Variants in DCLK1 observed in about 807,000 individuals in gnomAD.
The protein encoded by DCLK1 is serine/threonine-protein kinase DCLK1.
In DCLK1, 16 loss-of-function variants were observed where a neutral mutation model predicts 86.2. That is an observed-to-expected ratio of 0.19 (90% CI 0.13 to 0.28). The LOEUF is 0.28. Ranked by LOEUF, DCLK1 falls within the 10% of genes least tolerant of loss-of-function variation. The pLI is 1.00. For missense variants in DCLK1, 590 were observed against 940.2 expected, an observed-to-expected ratio of 0.63 and a Z score of 4.87; for synonymous variants, 369 against 370.5, an observed-to-expected ratio of 1.00 and a Z score of 0.05.
chr13:35,966,535 C>T (rs999386931), intron 3 of DCLK1, among the ~76,000 whole-genome samples: 18 of 137,344 alleles, frequency 1.3e-4, no homozygotes, highest in South Asian at 2.7e-4. Flanking sequence ...CCTCTTTGCA[C>T]GGTCTCCCTC....
chr13:35,979,763 G>A (rs1354852484), intron 3 of DCLK1, among the ~76,000 whole-genome samples: 3 of 152,144 alleles, frequency 2.0e-5, no homozygotes, highest in African/African-American at 4.8e-5. Flanking sequence ...CCTGCAATAA[G>A]GGCTGAAAAT....
chr13:35,778,972 A>G (rs373893864), intron 16 of DCLK1, among the ~76,000 whole-genome samples: 5 of 152,092 alleles, frequency 3.3e-5, no homozygotes, highest in African/African-American at 1.2e-4. Context: ...ACTCGCCAAC[A>G]TGAAATTACC....
chr13:35,916,256 T>A (rs962188838), intron 4 of DCLK1, among the ~76,000 whole-genome samples: 2 of 152,168 alleles, frequency 1.3e-5, no homozygotes, highest in Non-Finnish European at 2.9e-5. Flanking sequence ...TCAGCTATAT[T>A]CAGGACAGAA....
intron 4 of DCLK1, among the ~76,000 whole-genome samples, chr13:35,919,715 C>G (rs538680039): frequency 2.0e-5 from 3 of 151,906 alleles, no homozygotes; most frequent in African/African-American, 4.8e-5. Flanking sequence ...AATTCCAGCA[C>G]TTTAGGAGGC....
At chr13:35,884,186 T>C (rs761314754) in intron 4 of DCLK1, among the ~76,000 whole-genome samples, 1 of 151,954 alleles carries the variant, frequency 6.6e-6, no homozygotes, top group African/African-American at 2.4e-5. Context: ...GAAGTAATTG[T>C]GCAATGTGCC....
At chr13:35,778,948 T>A (rs2086474851) in intron 16 of DCLK1, among the ~76,000 whole-genome samples, 2 of 152,202 alleles carry the variant, frequency 1.3e-5, no homozygotes, top group Non-Finnish European at 2.9e-5. Flanking sequence ...CACATCTACC[T>A]CTTGGTTCAA....
At chr13:35,980,463 C>T (rs1199384153) in intron 3 of DCLK1, among the ~76,000 whole-genome samples, 2 of 152,098 alleles carry the variant, frequency 1.3e-5, no homozygotes, top group African/African-American at 2.4e-5. Context: ...CAAAACAAAA[C>T]ACGGACTCCG....
chr13:35,826,854 C>T (rs191804223), intron 10 of DCLK1, among the ~76,000 whole-genome samples: 304 of 152,236 alleles, frequency 2.0e-3, no homozygotes, highest in African/African-American at 6.9e-3. Context: ...ATGCAGAAGG[C>T]GGTGCAACCA....
intron 3 of DCLK1, among the ~76,000 whole-genome samples, chr13:35,951,055 A>T (rs1877641366): frequency 6.6e-6 from 1 of 151,494 alleles, no homozygotes; most frequent in South Asian, 2.1e-4. Context: ...TCCTTCACAA[A>T]TTTTCAATAT....
chr13:36,067,689 C>G (rs1883811493), intron 3 of DCLK1, among the ~76,000 whole-genome samples: 2 of 151,824 alleles, frequency 1.3e-5, no homozygotes, highest in African/African-American at 2.4e-5. Flanking sequence ...GATCTTGGTG[C>G]CACACCTCAG....
intron 3 of DCLK1, among the ~76,000 whole-genome samples, chr13:36,078,164 T>C (rs1046144868): frequency 6.6e-6 from 1 of 152,152 alleles, no homozygotes; most frequent in Non-Finnish European, 1.5e-5. Flanking sequence ...CTCTACGCCA[T>C]GTGAGGACAG....
At chr13:35,792,774 C>T (rs1437561770) in intron 16 of DCLK1, among the ~76,000 whole-genome samples, 1 of 152,122 alleles carries the variant, frequency 6.6e-6, no homozygotes, top group African/African-American at 2.4e-5. Context: ...AAAAGAAAGG[C>T]CTTGTGCAGA....
intron 15 of DCLK1, among the ~76,000 whole-genome samples, chr13:35,799,396 C>T (rs1027200557): frequency 6.6e-6 from 1 of 152,112 alleles, no homozygotes; most frequent in East Asian, 1.9e-4. Context: ...GGATTACAGG[C>T]ATGTGCCACC....
chr13:35,782,115 A>T (rs2086537038), intron 16 of DCLK1, among the ~76,000 whole-genome samples: 1 of 152,154 alleles, frequency 6.6e-6, no homozygotes. Flanking sequence ...TGGCAAGACT[A>T]TCTTAAATAT....
At chr13:35,881,026 G>A (rs1314436537) in intron 4 of DCLK1, among the ~76,000 whole-genome samples, 4 of 152,156 alleles carry the variant, frequency 2.6e-5, no homozygotes, top group African/African-American at 7.2e-5. Flanking sequence ...TTGAGAGACT[G>A]AATATACAGA....
intron 2 of DCLK1, among the ~76,000 whole-genome samples, chr13:36,117,961 G>T (rs932698909): frequency 6.6e-6 from 1 of 152,114 alleles, no homozygotes; most frequent in African/African-American, 2.4e-5. Flanking sequence ...GGCCTTGGAA[G>T]CAAGGGTAAG....
At chr13:35,828,652 T>C (rs544000255) in intron 8 of DCLK1, among the ~76,000 whole-genome samples, 1 of 149,846 alleles carries the variant, frequency 6.7e-6, no homozygotes, top group East Asian at 2.0e-4. Context: ...GAAAACTTTC[T>C]AATAAACTTC....
intron 3 of DCLK1, among the ~76,000 whole-genome samples, chr13:35,998,342 A>C (rs1489541904): frequency 6.6e-6 from 1 of 152,200 alleles, no homozygotes; most frequent in Non-Finnish European, 1.5e-5. Flanking sequence ...AAAAAGAAAA[A>C]TAGAGCCCTT....
intron 2 of DCLK1, among the ~76,000 whole-genome samples, chr13:36,122,427 T>C (rs1292865132): frequency 2.0e-5 from 3 of 152,238 alleles, no homozygotes; most frequent in Non-Finnish European, 4.4e-5. Context: ...TTTATCTTAA[T>C]GTTTAAAGAA....
Sources: gnomAD v4.1 joint callset for allele counts (sites outside exome capture counted in the v4.1 genomes callset) on GRCh38, gnomAD v4.1.1 for gene constraint, MANE v1.5 for transcripts, NCBI Gene and HGNC (gene_info 2026-07-23, HGNC 2026-07-21) for gene names.